ASCC3: variants seen among roughly 807,000 people sequenced by gnomAD.
ASCC3 encodes the protein ASC-1 complex subunit P200.
In ASCC3, 158 loss-of-function variants were observed where a neutral mutation model predicts 256.3. The ratio of observed to expected loss-of-function variants is 0.62; its 90% CI spans 0.54 to 0.70. The LOEUF is 0.70. ASCC3 is among the 30% of genes least tolerant of loss of function. The pLI is 0.00. For missense variants in ASCC3, 2,259 were observed against 2,626.0 expected (o/e 0.86, Z 3.05); for synonymous variants, 948 against 883.4 (o/e 1.07, Z -1.30).
chr6:100,807,502 T>C (rs1452438773), intron 4 of ASCC3, among the ~76,000 whole-genome samples: 1 of 151,934 alleles, frequency 6.6e-6, no homozygotes, highest in Non-Finnish European at 1.5e-5. Context: ...GTCAAAATTA[T>C]TTTCATGATA....
intron 14 of ASCC3, among the ~76,000 whole-genome samples, chr6:100,668,943 T>C (rs1251366134): frequency 6.6e-6 from 1 of 151,724 alleles, no homozygotes; most frequent in African/African-American, 2.4e-5. Context: ...GGCAAGGTTG[T>C]TTGGTATCAG....
intron 13 of ASCC3, among the ~76,000 whole-genome samples, chr6:100,692,004 G>C (rs566605412): frequency 6.6e-6 from 1 of 152,024 alleles, no homozygotes; most frequent in African/African-American, 2.4e-5. Context: ...CTGGCACATG[G>C]AAGTGATCTA....
At chr6:100,725,991 T>TA (rs199692955) in intron 10 of ASCC3, among the ~76,000 whole-genome samples, 11,102 of 129,872 alleles carry the variant, frequency 0.085, 449 homozygotes, top group Middle Eastern at 0.11. Flanking sequence ...TCTTACAATG[T>TA]AAAAAAAAAA....
chr6:100,876,657 T>C (rs1206895811), intron 1 of ASCC3, among the ~76,000 whole-genome samples: 1 of 152,180 alleles, frequency 6.6e-6, no homozygotes, highest in Non-Finnish European at 1.5e-5. Context: ...TACATATCAA[T>C]TTTTACCTTA....
At chr6:100,625,165 T>C (rs749740712) in intron 30 of ASCC3, 27 bp downstream of exon 30, 3 of 1,610,460 alleles carry the variant, frequency 1.9e-6, no homozygotes, top group Admixed American at 3.3e-5. Context: ...AACGTGTAAG[T>C]AGTAGAAGAT....
chr6:100,636,301 T>C (rs777663627), intron 25 of ASCC3, among the ~76,000 whole-genome samples: 16 of 152,168 alleles, frequency 1.1e-4, no homozygotes, highest in Non-Finnish European at 2.2e-4. Context: ...GTTATGGTGA[T>C]CTGTGGTCGG....
chr6:100,875,164 A>C (rs1046471706), intron 1 of ASCC3, among the ~76,000 whole-genome samples: 2 of 129,434 alleles, frequency 1.5e-5, no homozygotes, highest in Non-Finnish European at 1.9e-5. Flanking sequence ...GACAGAGAGG[A>C]TAGAATTAAG....
At chr6:100,817,172 A>T (rs1316391715) in intron 4 of ASCC3, among the ~76,000 whole-genome samples, 2 of 152,040 alleles carry the variant, frequency 1.3e-5, no homozygotes, top group Non-Finnish European at 2.9e-5. Context: ...GAATGAAACT[A>T]GAAATCAGTA....
At chr6:100,763,767 T>G (rs1181406969) in intron 10 of ASCC3, among the ~76,000 whole-genome samples, 1 of 152,206 alleles carries the variant, frequency 6.6e-6, no homozygotes, top group Non-Finnish European at 1.5e-5. Context: ...TGTCATTAAA[T>G]CTGTACTAAA....
chr6:100,509,836 A>C (rs1053620339), intron 41 of ASCC3, 96 bp downstream of exon 41: 77 of 1,244,018 alleles, frequency 6.2e-5, no homozygotes, highest in South Asian at 5.5e-4. Flanking sequence ...TGCAGTGAGC[A>C]GAGATCGCGC....
intron 10 of ASCC3, among the ~76,000 whole-genome samples, chr6:100,728,701 C>T (rs748953626): frequency 9.2e-5 from 14 of 151,984 alleles, no homozygotes; most frequent in Admixed American, 2.0e-4. Context: ...AAACTACGTG[C>T]AACAGCATGG....
At chr6:100,762,171 G>C (rs989434) in intron 10 of ASCC3, among the ~76,000 whole-genome samples, 148,223 of 152,308 alleles carry the variant, frequency 0.97, 72,263 homozygotes, top group East Asian at 1. Context: ...CTATCCTCAA[G>C]CAAAAAATAA....
chr6:100,819,978 G>T (rs1306847113), intron 4 of ASCC3, among the ~76,000 whole-genome samples: 1 of 152,024 alleles, frequency 6.6e-6, no homozygotes, highest in Non-Finnish European at 1.5e-5. Flanking sequence ...ATTGCTGAAA[G>T]AAATTTTAGA....
At chr6:100,650,474 T>TTAACA in intron 20 of ASCC3, 64 bp downstream of exon 20, 1 of 1,539,908 alleles carries the variant, frequency 6.5e-7, no homozygotes, top group Admixed American at 1.7e-5. Context: ...ACAGCATGAA[T>TTAACA]TAACACCTTG....
chr6:100,840,407 A>G (rs1241149469), intron 4 of ASCC3, among the ~76,000 whole-genome samples: 3 of 151,286 alleles, frequency 2.0e-5, no homozygotes, highest in Non-Finnish European at 4.4e-5. Context: ...GACTCACTAA[A>G]GCCTCAACCT....
At chr6:100,643,196 G>A (rs74864259) in intron 23 of ASCC3, among the ~76,000 whole-genome samples, 4,614 of 152,146 alleles carry the variant, frequency 0.03, 76 homozygotes, top group African/African-American at 0.055. Flanking sequence ...AATACAAAAC[G>A]CTGCTATGAA....
chr6:100,688,856 T>C (rs1270526868), intron 13 of ASCC3, among the ~76,000 whole-genome samples: 2 of 152,050 alleles, frequency 1.3e-5, no homozygotes, highest in East Asian at 3.9e-4. Flanking sequence ...TGAACAACTA[T>C]AGGAGGAAGT....
At position 100,579,680 on chromosome 6, in the gene ASCC3, T is replaced by C. The variant is rs150536442; in HGVS notation, c.5550+9954A>G. Among the ~76,000 whole-genome samples, 928 of 152,248 alleles carry C rather than the reference T, an allele frequency of 6.1e-3. 13 individuals are homozygous for C. The highest frequency in any genetic ancestry group is 0.021 in the African/African-American group (872 of 41,556). ...CTTCTGGGCTCTCTATTCTGTTCCA[T>C]TGGTCTATGTCTGTTTTTCTGCTAG... is the stretch of plus-strand genomic sequence containing the variant. On this transcript the variant is annotated intron_variant, in intron 36 of 41. Coordinates refer to ENST00000369162, the MANE Select transcript of ASCC3 (RefSeq NM_006828.4).
rs534657802 is a variant in ASCC3, at chr6:100,691,550, TATAA to T, written c.2152-11802_2152-11799del. Reference sequence around the variant, plus strand: ...CATGAATAACTTAATACTATAATGCTATAAATAAATGTGTATTTTACACCTTAAC... The same window carrying T: ...CATGAATAACTTAATACTATAATGCTATAAATGTGTATTTTACACCTTAAC... On this transcript the variant is annotated intron_variant, in intron 13 of 41. Transcript: ENST00000369162. Among the ~76,000 whole-genome samples, 196 of 152,090 alleles carry T rather than the reference TATAA, an allele frequency of 1.3e-3. 1 individual carries two copies. Among genetic ancestry groups the T allele is most frequent in the African/African-American group, 4.5e-3 (186 of 41,554 alleles).
Sources: gnomAD v4.1 joint callset for allele counts (sites outside exome capture counted in the v4.1 genomes callset) on GRCh38, gnomAD v4.1.1 for gene constraint, MANE v1.5 for transcripts, NCBI Gene and HGNC (gene_info 2026-07-23, HGNC 2026-07-21) for gene names.